Variants in RAB3C observed in about 807,000 individuals in gnomAD.
The protein encoded by RAB3C is RAB3C, member RAS oncogene family.
In RAB3C, 17 loss-of-function variants were observed where a neutral mutation model predicts 26.4. The ratio of observed to expected loss-of-function variants is 0.64; its 90% confidence interval spans 0.44 to 0.97. The LOEUF (loss-of-function observed/expected upper bound fraction) is 0.97, where lower values mean the gene tolerates loss of function less well. Ranked by LOEUF, RAB3C falls within the 50% of genes least tolerant of loss-of-function variation. RAB3C has a pLI of 0.00. For synonymous variants in RAB3C, 91 were observed against 95.9 expected, an observed-to-expected ratio of 0.95 and a Z score of 0.30; for missense variants, 242 against 281.9, an observed-to-expected ratio of 0.86 and a Z score of 1.01.
At chr5:58,747,335 TA>T (rs1741422409) in intron 3 of RAB3C, among the ~76,000 whole-genome samples, 1 of 152,208 alleles carries the variant, frequency 6.6e-6, no homozygotes, top group African/African-American at 2.4e-5. Flanking sequence ...GGACATATAC[TA>T]AAAATTATTT....
chr5:58,697,488 C>T (rs944671981), intron 2 of RAB3C, among the ~76,000 whole-genome samples: 4 of 152,148 alleles, frequency 2.6e-5, no homozygotes, highest in African/African-American at 9.7e-5. Flanking sequence ...TGTTAAGCTT[C>T]TGTCTCGTTG....
chr5:58,705,099 A>G (rs1331630977), intron 2 of RAB3C, among the ~76,000 whole-genome samples: 1 of 152,144 alleles, frequency 6.6e-6, no homozygotes, highest in Non-Finnish European at 1.5e-5. Context: ...TGGATCTTTG[A>G]TAATTTTTTT....
At chr5:58,793,021 T>A (rs1742563719) in intron 3 of RAB3C, among the ~76,000 whole-genome samples, 1 of 152,130 alleles carries the variant, frequency 6.6e-6, no homozygotes, top group African/African-American at 2.4e-5. Context: ...GTTCTAAAAT[T>A]CTGTATGTCC....
chr5:58,612,674 G>C (rs879112574), intron 1 of RAB3C, among the ~76,000 whole-genome samples: 2 of 151,398 alleles, frequency 1.3e-5, no homozygotes, highest in African/African-American at 4.9e-5. Flanking sequence ...TAATATTTTT[G>C]TATCACGAGA....
At chr5:58,803,602 G>A (rs1742862549) in intron 3 of RAB3C, among the ~76,000 whole-genome samples, 1 of 152,154 alleles carries the variant, frequency 6.6e-6, no homozygotes. Flanking sequence ...CCGGGACTTT[G>A]TTAGTGTCAT....
At chr5:58,643,394 T>C (rs1316022072) in intron 2 of RAB3C, among the ~76,000 whole-genome samples, 3 of 152,252 alleles carry the variant, frequency 2.0e-5, no homozygotes, top group African/African-American at 7.2e-5. Context: ...TTTTTATGCA[T>C]GTTCAGCTAT....
chr5:58,753,372 A>G (rs1741575909), intron 3 of RAB3C, among the ~76,000 whole-genome samples: 1 of 152,318 alleles, frequency 6.6e-6, no homozygotes, highest in Non-Finnish European at 1.5e-5. Flanking sequence ...GTTATTTCTT[A>G]AAAGTAAATT....
chr5:58,828,860 A>G (rs1326032160), intron 4 of RAB3C, among the ~76,000 whole-genome samples: 2 of 150,768 alleles, frequency 1.3e-5, no homozygotes, highest in Non-Finnish European at 2.9e-5. Flanking sequence ...TATTGCTGCC[A>G]GAGCTGAACA....
chr5:58,711,609 T>A (rs571679576), intron 2 of RAB3C, among the ~76,000 whole-genome samples: 10 of 152,266 alleles, frequency 6.6e-5, no homozygotes, highest in Non-Finnish European at 1.2e-4. Flanking sequence ...GCACCTAGTA[T>A]GCACAAGAAG....
intron 1 of RAB3C, among the ~76,000 whole-genome samples, chr5:58,609,064 T>C (rs1351649564): frequency 2.6e-5 from 4 of 151,948 alleles, no homozygotes; most frequent in Non-Finnish European, 5.9e-5. Context: ...GGGGGAGGGA[T>C]AGCATTAGGA....
intron 4 of RAB3C, among the ~76,000 whole-genome samples, chr5:58,847,608 G>T (rs949086388): frequency 3.9e-5 from 6 of 152,132 alleles, no homozygotes; most frequent in African/African-American, 1.4e-4. Flanking sequence ...AAGCACCCAT[G>T]GGCACACACA....
intron 2 of RAB3C, among the ~76,000 whole-genome samples, chr5:58,716,974 T>C (rs1365720087): frequency 3.3e-5 from 5 of 152,168 alleles, no homozygotes; most frequent in South Asian, 2.1e-4. Context: ...TGGGTGATAA[T>C]GATGTGTTAC....
At chr5:58,670,437 C>T (rs895288107) in intron 2 of RAB3C, among the ~76,000 whole-genome samples, 1 of 151,922 alleles carries the variant, frequency 6.6e-6, no homozygotes, top group Non-Finnish European at 1.5e-5. Flanking sequence ...CTATCTTTTC[C>T]TTTTTGGTGA....
At chr5:58,792,183 A>G (rs557385944) in intron 3 of RAB3C, among the ~76,000 whole-genome samples, 124 of 152,312 alleles carry the variant, frequency 8.1e-4, no homozygotes, top group African/African-American at 2.7e-3. Flanking sequence ...TCACCACCAG[A>G]GCTTATTATA....
chr5:58,710,052 A>G (rs1015633977), intron 2 of RAB3C, among the ~76,000 whole-genome samples: 1 of 152,178 alleles, frequency 6.6e-6, no homozygotes, highest in Admixed American at 6.6e-5. Context: ...TCTGAGTGTC[A>G]TCATTTCCCA....
At chr5:58,639,175 A>T (rs1193723375) in intron 2 of RAB3C, among the ~76,000 whole-genome samples, 1 of 152,204 alleles carries the variant, frequency 6.6e-6, no homozygotes, top group Non-Finnish European at 1.5e-5. Context: ...CTGTACTGAA[A>T]CACCCTTGCT....
At chr5:58,804,522 A>C (rs1366937220) in intron 3 of RAB3C, among the ~76,000 whole-genome samples, 1 of 152,222 alleles carries the variant, frequency 6.6e-6, no homozygotes, top group Non-Finnish European at 1.5e-5. Flanking sequence ...ACACCCAGAG[A>C]GGCTTTTGTC....
At chr5:58,726,630 G>A (rs1740897131) in intron 3 of RAB3C, among the ~76,000 whole-genome samples, 1 of 151,818 alleles carries the variant, frequency 6.6e-6, no homozygotes, top group Admixed American at 6.6e-5. Flanking sequence ...TTTTCGATCT[G>A]TCCATTTATG....
intron 4 of RAB3C, among the ~76,000 whole-genome samples, chr5:58,845,431 G>C (rs902752727): frequency 2.6e-5 from 4 of 151,700 alleles, no homozygotes; most frequent in Admixed American, 6.6e-5. Flanking sequence ...AAAAGGATTA[G>C]ATTTAAACAC....
Sources: allele counts gnomAD v4.1 joint callset (sites outside exome capture counted in the v4.1 genomes callset), GRCh38; gene constraint gnomAD v4.1.1; transcripts MANE v1.5; gene names NCBI Gene and HGNC (gene_info 2026-07-23, HGNC 2026-07-21).